The following PCSK5 variants were observed in gnomAD, a reference collection of about 807,000 sequenced individuals.
The protein encoded by PCSK5 is prohormone convertase 5.
In PCSK5, 129 loss-of-function variants were observed where a neutral mutation model predicts 233.2. The observed-to-expected ratio is 0.55, with a 90% CI of 0.48 to 0.64. PCSK5 has a LOEUF of 0.64. Ranked by LOEUF, PCSK5 falls within the 30% of genes least tolerant of loss-of-function variation. The probability of loss-of-function intolerance (pLI) is 0.00; values close to 1 mark genes in which losing one functional copy is unlikely to be tolerated. For missense variants in PCSK5, 2,076 were observed against 2,430.1 expected (o/e 0.85, Z 3.06); for synonymous variants, 825 against 879.2 (o/e 0.94, Z 1.09).
chr9:76,285,370 G>A (rs1202894268), intron 24 of PCSK5, among the ~76,000 whole-genome samples: 2 of 152,172 alleles, frequency 1.3e-5, no homozygotes, highest in Admixed American at 6.5e-5. Flanking sequence ...TAGCCTAAGA[G>A]AGTCAAAGTG....
chr9:76,084,464 T>C (rs1203244684), intron 7 of PCSK5, among the ~76,000 whole-genome samples: 1 of 152,212 alleles, frequency 6.6e-6, no homozygotes, highest in African/African-American at 2.4e-5. Context: ...CTATTTTAAA[T>C]CCCTCTGTTA....
intron 22 of PCSK5, 115 bp from the exon 23 acceptor site, chr9:76,238,844 T>TA (rs1826335115): frequency 1.4e-6 from 1 of 724,066 alleles, no homozygotes; most frequent in African/African-American, 1.8e-5. Context: ...CCTCATCCAC[T>TA]AGGAAAAAAA....
At chr9:76,355,297 C>A (rs909094191) in intron 37 of PCSK5, among the ~76,000 whole-genome samples, 5 of 152,076 alleles carry the variant, frequency 3.3e-5, no homozygotes, top group African/African-American at 1.2e-4. Flanking sequence ...ATAGTGAAAC[C>A]CTGTCTCTAC....
chr9:76,323,636 C>T (rs1587328774), intron 32 of PCSK5, among the ~76,000 whole-genome samples: 2 of 152,116 alleles, frequency 1.3e-5, no homozygotes, highest in South Asian at 4.1e-4. Context: ...TCACCATGAC[C>T]AGTCCATCTC....
At chr9:76,270,761 G>T (rs2131372667) in intron 24 of PCSK5, among the ~76,000 whole-genome samples, 1 of 152,286 alleles carries the variant, frequency 6.6e-6, no homozygotes, top group African/African-American at 2.4e-5. Context: ...TCCTAAGCCT[G>T]TGTAATATGG....
chr9:76,135,011 A>C (rs148413313), intron 10 of PCSK5, among the ~76,000 whole-genome samples: 215 of 152,172 alleles, frequency 1.4e-3, no homozygotes, highest in Non-Finnish European at 2.2e-3. Flanking sequence ...ATATCTACAG[A>C]CTTAAAACAT....
At chr9:75,958,207 TG>T in intron 2 of PCSK5, among the ~76,000 whole-genome samples, 1 of 152,154 alleles carries the variant, frequency 6.6e-6, no homozygotes, top group South Asian at 2.1e-4. Context: ...AGGTCTAAGT[TG>T]GGGCAAACCT....
chr9:76,150,575 G>A (rs1475046084), intron 10 of PCSK5, among the ~76,000 whole-genome samples: 1 of 151,894 alleles, frequency 6.6e-6, no homozygotes, highest in Non-Finnish European at 1.5e-5. Flanking sequence ...AGAGGTTGCA[G>A]TGAGCCGAGA....
chr9:76,304,599 T>G (rs1373252697), intron 28 of PCSK5, among the ~76,000 whole-genome samples: 1 of 142,960 alleles, frequency 7.0e-6, no homozygotes, highest in East Asian at 2.1e-4. Flanking sequence ...AAGGGCAGAA[T>G]TATTTTCTCT....
chr9:76,038,916 G>A (rs893200872), intron 5 of PCSK5, among the ~76,000 whole-genome samples: 1 of 152,102 alleles, frequency 6.6e-6, no homozygotes, highest in African/African-American at 2.4e-5. Context: ...ATATCAAATT[G>A]TTCAACCAAC....
At chr9:75,996,736 G>A (rs1404005547) in intron 3 of PCSK5, among the ~76,000 whole-genome samples, 1 of 151,610 alleles carries the variant, frequency 6.6e-6, no homozygotes, top group Admixed American at 6.6e-5. Context: ...TCTTAGCTTT[G>A]CTTTCAAAGA....
chr9:76,243,368 T>G (rs766970423), intron 24 of PCSK5, among the ~76,000 whole-genome samples: 1 of 152,154 alleles, frequency 6.6e-6, no homozygotes, highest in Non-Finnish European at 1.5e-5. Flanking sequence ...GAATGAAACC[T>G]CTTAGAAGAC....
At chr9:76,084,455 T>C (rs1587605588) in intron 7 of PCSK5, among the ~76,000 whole-genome samples, 1 of 152,350 alleles carries the variant, frequency 6.6e-6, no homozygotes, top group East Asian at 1.9e-4. Flanking sequence ...CTGCAAATCC[T>C]ATTTTAAATC....
At chr9:76,135,620 G>T (rs372853901) in intron 10 of PCSK5, among the ~76,000 whole-genome samples, 70 of 152,104 alleles carry the variant, frequency 4.6e-4, no homozygotes, top group African/African-American at 1.6e-3. Flanking sequence ...TGAAATTTCG[G>T]TTGTTCCGGA....
In PCSK5 at chr9:76,064,291, T is replaced by C. The variant is rs1378094684; in HGVS notation, c.633-3664T>C. The stretch of plus-strand genomic sequence containing the variant: ...CTGGCCGGGCTAAGGGGCTCCTCAC[T>C]TCCCAGTAGGGGCGGCCGGGCAGAG... On this transcript the variant is annotated intron_variant, in intron 5 of 37. Coordinates refer to ENST00000674117, the MANE Select transcript of PCSK5 (RefSeq NM_001372043.1). Among the ~76,000 whole-genome samples the C allele has an allele frequency of 5.1e-5, 4 of 77,860 alleles. No homozygotes were observed. In the East Asian group the frequency reaches 1.4e-3, roughly 28 times the overall value. The allele number at this position is 77,860 out of a possible 152,430, so 51.1% of individuals were successfully genotyped here. A position where few individuals can be genotyped will look rare whatever the true frequency, so the allele number is the denominator to read the frequency against.
At chr9:76,298,916 C>T (rs183038905) in intron 27 of PCSK5, among the ~76,000 whole-genome samples, 7 of 152,308 alleles carry the variant, frequency 4.6e-5, no homozygotes, top group Admixed American at 4.6e-4. Context: ...AGATGACACA[C>T]ACTTCAATCC....
intron 7 of PCSK5, among the ~76,000 whole-genome samples, chr9:76,094,460 G>T (rs754291324): frequency 2.0e-4 from 31 of 152,216 alleles, no homozygotes; most frequent in Non-Finnish European, 4.0e-4. Flanking sequence ...ATTTCTTAGG[G>T]ATTCAGCTGC....
Position 76,323,269 on chromosome 9 carries a change from G to A in PCSK5, c.4320G>A (p.Lys1440=), listed in dbSNP as rs754339561. 6.9e-6 allele frequency: 11 copies of A among 1,605,818 alleles called. No individual in the cohort carries two copies. Among genetic ancestry groups the A allele is most frequent in the Non-Finnish European group, 9.4e-6 (11 of 1,173,670 alleles). The change falls in exon 32 of 38, where the codon AAG becomes AAA. Residue 1440 remains lysine (K), a synonymous_variant. Transcript: ENST00000674117. ...GTCCAGCAGGAACCTATTATGAAAA[G>A]GAGACTAAGGAGTGCAGAGGTAAAG... is the stretch of plus-strand genomic sequence containing the variant. ...EECPAGTYYE[K]ETKECRDCHK...
In PCSK5 at chr9:75,963,789, G is replaced by A. The variant is rs574903471; in HGVS notation, c.298-22343G>A. Among the ~76,000 whole-genome samples the A allele has an allele frequency of 2.6e-5, 4 of 152,310 alleles. No homozygotes were observed. In the East Asian group the frequency reaches 7.7e-4, roughly 29 times the overall value. The stretch of plus-strand genomic sequence containing the variant: ...TGCTACTTGGGAGACTGGGGCAGGA[G>A]AATTGCTTGAACCCAGGAGGCAAAG... On this transcript the variant is annotated intron_variant, in intron 2 of 37. Coordinates refer to ENST00000674117, the MANE Select transcript of PCSK5 (RefSeq NM_001372043.1).
Sources: allele counts gnomAD v4.1 joint callset (sites outside exome capture counted in the v4.1 genomes callset), GRCh38; gene constraint gnomAD v4.1.1; transcripts MANE v1.5; gene names NCBI Gene and HGNC (gene_info 2026-07-23, HGNC 2026-07-21).